POU6F2: variants seen among roughly 807,000 people sequenced by gnomAD.
POU6F2 encodes POU domain, class 6, transcription factor 2.
POU6F2 carries 31 observed loss-of-function variants against 71.3 expected under a neutral mutation model. That is an observed-to-expected ratio of 0.43 (90% CI 0.33 to 0.59). The LOEUF (loss-of-function observed/expected upper bound fraction) is 0.59, where lower values mean the gene tolerates loss of function less well. Among genes scored for constraint, POU6F2 ranks in the 20% least tolerant of loss-of-function variants. The probability of loss-of-function intolerance (pLI) is 0.04; values close to 1 mark genes in which losing one functional copy is unlikely to be tolerated. For synonymous variants in POU6F2, 347 were observed against 355.7 expected (o/e 0.98, Z 0.27); for missense variants, 783 against 856.8 (o/e 0.91, Z 1.07).
intron 4 of POU6F2, among the ~76,000 whole-genome samples, chr7:39,299,514 C>T (rs1341526993): frequency 6.6e-6 from 1 of 152,164 alleles, no homozygotes; most frequent in Non-Finnish European, 1.5e-5. Context: ...GTGTCAATTT[C>T]ACAGCAGGCC....
At chr7:39,417,376 C>T (rs1243791841) in intron 6 of POU6F2, among the ~76,000 whole-genome samples, 1 of 152,152 alleles carries the variant, frequency 6.6e-6, no homozygotes, top group Non-Finnish European at 1.5e-5. Context: ...AAAGTCACAA[C>T]TTACAACAGT....
intron 1 of POU6F2, among the ~76,000 whole-genome samples, chr7:39,047,327 G>A (rs1790311696): frequency 6.6e-6 from 1 of 151,726 alleles, no homozygotes; most frequent in Non-Finnish European, 1.5e-5. Flanking sequence ...AACACTATTA[G>A]GTTTTCCAAT....
intron 1 of POU6F2, among the ~76,000 whole-genome samples, chr7:39,013,811 C>A (rs1265859452): frequency 2.0e-5 from 3 of 152,158 alleles, no homozygotes; most frequent in African/African-American, 7.2e-5. Flanking sequence ...TGTAATATGT[C>A]ATCTTTCCAA....
At chr7:39,418,001 G>T (rs1787720198) in intron 6 of POU6F2, among the ~76,000 whole-genome samples, 1 of 152,160 alleles carries the variant, frequency 6.6e-6, no homozygotes, top group Non-Finnish European at 1.5e-5. Flanking sequence ...CTATTTATGT[G>T]CCAAGCACTT....
rs753640662 is a variant in POU6F2 at position 39,464,719 on chromosome 7, CA to C, written c.*34del. 13 of 1,558,268 alleles carry C rather than the reference CA, an allele frequency of 8.3e-6. No individual in the cohort carries two copies. The South Asian group carries it at 1.4e-4, about 17-fold the overall frequency. ...CCCACCCATAATCAGAAGCAAAATT[CA>C]CAGAAACTAAACTCCACCCTTGGGA... On this transcript the variant is annotated 3_prime_UTR_variant, in exon 10 of 10. Transcript: ENST00000518318. The surrounding 1 kb of genome is among the most constrained non-coding windows in gnomAD (Gnocchi z 4.1).
At chr7:39,050,084 G>A (rs1168849042) in intron 1 of POU6F2, among the ~76,000 whole-genome samples, 1 of 151,878 alleles carries the variant, frequency 6.6e-6, no homozygotes, top group Non-Finnish European at 1.5e-5. Context: ...TTTTAAAAAT[G>A]TGTTTATATC....
chr7:39,288,215 A>AT (rs1445266312), intron 4 of POU6F2, among the ~76,000 whole-genome samples: 1 of 152,144 alleles, frequency 6.6e-6, no homozygotes, highest in Non-Finnish European at 1.5e-5. Context: ...TCAGGGGACT[A>AT]TTTATCCTCA....
intron 5 of POU6F2, among the ~76,000 whole-genome samples, chr7:39,387,476 C>T (rs144441029): frequency 2.0e-5 from 3 of 152,332 alleles, no homozygotes; most frequent in African/African-American, 7.2e-5. Flanking sequence ...GTACTCTCTA[C>T]AGTTCCATTA....
chr7:39,267,467 C>T (rs1026597601), intron 4 of POU6F2, among the ~76,000 whole-genome samples: 1 of 152,202 alleles, frequency 6.6e-6, no homozygotes, highest in African/African-American at 2.4e-5. Flanking sequence ...GCATCTGTTG[C>T]CTGTCACTGA....
intron 4 of POU6F2, among the ~76,000 whole-genome samples, chr7:39,279,302 G>A (rs1426015528): frequency 2.3e-5 from 1 of 42,722 alleles, no homozygotes. Flanking sequence ...ACCTTCCCAG[G>A]TGTCCTAAGC....
chr7:39,074,706 C>G (rs1790961678), intron 1 of POU6F2, among the ~76,000 whole-genome samples: 1 of 151,870 alleles, frequency 6.6e-6, no homozygotes, highest in African/African-American at 2.4e-5. Flanking sequence ...GGGTGGGGAG[C>G]AGATCAGGCA....
intron 1 of POU6F2, among the ~76,000 whole-genome samples, chr7:39,047,412 A>G (rs1790313474): frequency 6.6e-6 from 1 of 151,782 alleles, no homozygotes; most frequent in African/African-American, 2.4e-5. Flanking sequence ...TGTAGTTTTC[A>G]TTGTATAAAT....
At chr7:39,321,739 C>T (rs1334988284) in intron 4 of POU6F2, among the ~76,000 whole-genome samples, 11 of 151,372 alleles carry the variant, frequency 7.3e-5, no homozygotes, top group Non-Finnish European at 1.5e-4. Context: ...AATGCAGGTG[C>T]TTAATAAATT....
chr7:39,380,852 G>A (rs1047214856), intron 5 of POU6F2, among the ~76,000 whole-genome samples: 2 of 152,102 alleles, frequency 1.3e-5, no homozygotes, highest in African/African-American at 2.4e-5. Context: ...TCCTCGTGTC[G>A]TGTGCACCAG....
chr7:38,979,695 C>G (rs1413763930), intron 1 of POU6F2, among the ~76,000 whole-genome samples: 1 of 152,102 alleles, frequency 6.6e-6, no homozygotes, highest in Non-Finnish European at 1.5e-5. Context: ...ATGACTTTTG[C>G]ATATTGAAAT....
At chr7:39,342,455 T>C (rs1022652465) in intron 5 of POU6F2, among the ~76,000 whole-genome samples, 8 of 152,248 alleles carry the variant, frequency 5.3e-5, no homozygotes, top group African/African-American at 1.9e-4. Flanking sequence ...ACTAAATTCA[T>C]GTATGATAGC....
intron 1 of POU6F2, among the ~76,000 whole-genome samples, chr7:38,985,469 C>A (rs1372236761): frequency 1.3e-5 from 2 of 151,980 alleles, no homozygotes; most frequent in African/African-American, 4.8e-5. Flanking sequence ...AATCTTATAT[C>A]CTTAGGGTTA....
intron 2 of POU6F2, among the ~76,000 whole-genome samples, chr7:39,181,215 AT>A (rs869032073): frequency 2.9e-5 from 4 of 139,512 alleles, no homozygotes; most frequent in Non-Finnish European, 6.3e-5. Flanking sequence ...CATCCCCCAG[AT>A]GCCACTAACA....
At chr7:39,229,586 C>T (rs936570162) in intron 4 of POU6F2, among the ~76,000 whole-genome samples, 1 of 152,174 alleles carries the variant, frequency 6.6e-6, no homozygotes, top group Non-Finnish European at 1.5e-5. Flanking sequence ...AAACCTCCTC[C>T]CCCTCATACC....
Sources: gnomAD v4.1 joint callset for allele counts (sites outside exome capture counted in the v4.1 genomes callset) on GRCh38, gnomAD v4.1.1 for gene constraint, Gnocchi (gnomAD v3.1) non-coding constraint, MANE v1.5 for transcripts, NCBI Gene and HGNC (gene_info 2026-07-23, HGNC 2026-07-21) for gene names.